The following ADK variants were observed in gnomAD, a reference collection of about 807,000 sequenced individuals.
The protein encoded by ADK is adenosine kinase.
In ADK, 24 loss-of-function variants were observed where a neutral mutation model predicts 44.7. The ratio of observed to expected loss-of-function variants is 0.54; its 90% CI spans 0.39 to 0.76. The LOEUF (loss-of-function observed/expected upper bound fraction) is 0.76. Among genes scored for constraint, ADK ranks in the 30% least tolerant of loss-of-function variants. The probability of loss-of-function intolerance (pLI) is 0.00; values close to 1 mark genes in which losing one functional copy is unlikely to be tolerated. For missense variants in ADK, 321 were observed against 425.1 expected, an observed-to-expected ratio of 0.76 and a Z score of 2.15; for synonymous variants, 128 against 142.6, an observed-to-expected ratio of 0.90 and a Z score of 0.73.
chr10:74,647,617 G>C (rs1854099837), intron 9 of ADK, among the ~76,000 whole-genome samples: 1 of 152,064 alleles, frequency 6.6e-6, no homozygotes, highest in South Asian at 2.1e-4. Context: ...TACTAATTCT[G>C]ACACATGTAT....
intron 6 of ADK, among the ~76,000 whole-genome samples, chr10:74,507,002 G>C (rs1310982437): frequency 6.6e-6 from 1 of 152,044 alleles, no homozygotes; most frequent in Admixed American, 6.6e-5. Context: ...AGTTGTACAA[G>C]GGTCAACTGT....
chr10:74,438,468 G>GA (rs1416339154), intron 6 of ADK, among the ~76,000 whole-genome samples: 1 of 151,404 alleles, frequency 6.6e-6, no homozygotes, highest in African/African-American at 2.4e-5. Context: ...CTGACCTCGT[G>GA]ATCCCTCCGC....
chr10:74,337,542 T>C (rs549211958), intron 4 of ADK, among the ~76,000 whole-genome samples: 21 of 152,214 alleles, frequency 1.4e-4, no homozygotes, highest in Non-Finnish European at 2.6e-4. Flanking sequence ...CTTGTGAATT[T>C]TAAGTGCCTT....
intron 9 of ADK, among the ~76,000 whole-genome samples, chr10:74,644,452 T>G (rs1853988405): frequency 6.6e-6 from 1 of 152,238 alleles, no homozygotes; most frequent in African/African-American, 2.4e-5. Flanking sequence ...GGTCTCAATT[T>G]AGGATTTAAA....
At chr10:74,203,226 A>G (rs1843460966) in intron 2 of ADK, among the ~76,000 whole-genome samples, 1 of 152,224 alleles carries the variant, frequency 6.6e-6, no homozygotes, top group Non-Finnish European at 1.5e-5. Flanking sequence ...CCACTGAATG[A>G]TCTTGATACT....
At chr10:74,528,070 G>A (rs1849127697) in intron 7 of ADK, 3 of 998,992 alleles carry the variant, frequency 3.0e-6, no homozygotes, top group Non-Finnish European at 4.8e-6. Context: ...AAATGACGAC[G>A]TCCTTCTGGA....
intron 3 of ADK, among the ~76,000 whole-genome samples, chr10:74,230,371 G>C (rs769354370): frequency 3.3e-5 from 5 of 151,894 alleles, no homozygotes; most frequent in Admixed American, 2.0e-4. Flanking sequence ...ACTTGCTATA[G>C]TTTACATTGC....
chr10:74,462,941 A>T (rs575417069), intron 6 of ADK, among the ~76,000 whole-genome samples: 1 of 152,270 alleles, frequency 6.6e-6, no homozygotes, highest in Admixed American at 6.5e-5. Context: ...GCATGTCCAG[A>T]CTTTAGGGAT....
At chr10:74,579,108 T>C (rs1337228236) in intron 7 of ADK, among the ~76,000 whole-genome samples, 3 of 151,798 alleles carry the variant, frequency 2.0e-5, no homozygotes, top group Non-Finnish European at 4.4e-5. Flanking sequence ...GTGGCGTGTG[T>C]CTGTAGTCCC....
chr10:74,274,728 G>A (rs1846591388), intron 3 of ADK, among the ~76,000 whole-genome samples: 1 of 43,060 alleles, frequency 2.3e-5, no homozygotes, highest in Admixed American at 2.3e-4. Context: ...AAATTTTAAT[G>A]TGTGTATATA....
chr10:74,628,772 T>C (rs1564826377), intron 9 of ADK, among the ~76,000 whole-genome samples: 1 of 152,164 alleles, frequency 6.6e-6, no homozygotes, highest in South Asian at 2.1e-4. Flanking sequence ...AGGAGTTATA[T>C]TGGTCTTCTA....
At chr10:74,405,006 A>G (rs1164456515) in intron 6 of ADK, among the ~76,000 whole-genome samples, 1 of 151,714 alleles carries the variant, frequency 6.6e-6, no homozygotes, top group Non-Finnish European at 1.5e-5. Context: ...TGGTTTTCTG[A>G]CCCTTTTATG....
chr10:74,699,860 CA>C (rs1341864388), intron 10 of ADK, among the ~76,000 whole-genome samples: 2 of 152,076 alleles, frequency 1.3e-5, no homozygotes, highest in African/African-American at 2.4e-5. Context: ...ATCGGACTGG[CA>C]AAAATTCAAA....
chr10:74,657,076 A>G (rs1396201276), intron 9 of ADK, among the ~76,000 whole-genome samples: 1 of 150,844 alleles, frequency 6.6e-6, no homozygotes, highest in African/African-American at 2.4e-5. Context: ...AGTTTTTCAA[A>G]TTTTTTGTAG....
At chr10:74,706,154 C>CA (rs1009035567) in intron 10 of ADK, among the ~76,000 whole-genome samples, 2 of 151,962 alleles carry the variant, frequency 1.3e-5, no homozygotes, top group Non-Finnish European at 2.9e-5. Flanking sequence ...AGCATCTCTA[C>CA]AAAAAAATGC....
chr10:74,438,491 A>G (rs979394442), intron 6 of ADK, among the ~76,000 whole-genome samples: 1 of 151,794 alleles, frequency 6.6e-6, no homozygotes, highest in African/African-American at 2.4e-5. Flanking sequence ...CAGCCTCCCA[A>G]AGTACTGGGA....
intron 9 of ADK, among the ~76,000 whole-genome samples, chr10:74,647,626 A>G (rs1270395902): frequency 1.3e-5 from 2 of 152,148 alleles, no homozygotes; most frequent in Non-Finnish European, 2.9e-5. Flanking sequence ...TGACACATGT[A>G]TAGTTCTCCT....
At chr10:74,670,062 A>G in intron 9 of ADK, 121 bp from the exon 10 acceptor site, 1 of 802,154 alleles carries the variant, frequency 1.2e-6, no homozygotes, top group Non-Finnish European at 2.2e-6. Flanking sequence ...CAGAATATGG[A>G]GCTTATGTCC....
chr10:74,211,512 A>T (rs1038828467), intron 2 of ADK, among the ~76,000 whole-genome samples: 1 of 152,198 alleles, frequency 6.6e-6, no homozygotes, highest in African/African-American at 2.4e-5. Flanking sequence ...AATCTGTTAG[A>T]TTCAAAAATT....
Sources: allele counts gnomAD v4.1 joint callset (sites outside exome capture counted in the v4.1 genomes callset), GRCh38; gene constraint gnomAD v4.1.1; transcripts MANE v1.5; gene names NCBI Gene and HGNC (gene_info 2026-07-23, HGNC 2026-07-21).